PSMD14: variants seen among roughly 807,000 people sequenced by gnomAD.
PSMD14 encodes proteasome 26S subunit, non-ATPase 14.
A neutral mutation model predicts 41.2 loss-of-function variants in PSMD14; 7 were observed. The ratio of observed to expected loss-of-function variants is 0.17; its 90% CI spans 0.10 to 0.32. The LOEUF is 0.32. Among genes scored for constraint, PSMD14 ranks in the 10% least tolerant of loss-of-function variants. The pLI, the probability that PSMD14 is intolerant of heterozygous loss-of-function variation, is 1.00. For missense variants in PSMD14, 139 were observed against 375.6 expected (o/e 0.37, Z 5.21); for synonymous variants, 114 against 122.3 (o/e 0.93, Z 0.45).
At chr2:161,366,387 AACACACACACACACAC>A (rs36202166) in intron 3 of PSMD14, among the ~76,000 whole-genome samples, 12 of 148,504 alleles carry the variant, frequency 8.1e-5, no homozygotes, top group Middle Eastern at 3.4e-3. Context: ...AATAGAATTT[AACACACACACACACAC>A]ACACACACAC....
intron 3 of PSMD14, among the ~76,000 whole-genome samples, chr2:161,354,371 A>C (rs953481920): frequency 6.6e-6 from 1 of 152,106 alleles, no homozygotes; most frequent in South Asian, 2.1e-4. Flanking sequence ...TGAGCCCTCC[A>C]AGTGGCTGAG....
chr2:161,393,845 A>T (rs1011239714), intron 9 of PSMD14, among the ~76,000 whole-genome samples: 3 of 152,042 alleles, frequency 2.0e-5, no homozygotes, highest in African/African-American at 7.2e-5. Flanking sequence ...AAAACTTAGG[A>T]ACATCTAAGA....
At chr2:161,392,436 T>C (rs1683724843) in intron 9 of PSMD14, among the ~76,000 whole-genome samples, 1 of 152,120 alleles carries the variant, frequency 6.6e-6, no homozygotes, top group Non-Finnish European at 1.5e-5. Context: ...GCAGATGGAG[T>C]GAGTTGGGCT....
At chr2:161,321,620 G>A (rs967923185) in intron 3 of PSMD14, among the ~76,000 whole-genome samples, 1 of 152,102 alleles carries the variant, frequency 6.6e-6, no homozygotes, top group African/African-American at 2.4e-5. Context: ...TCCACACTTT[G>A]GACTGACACT....
intron 3 of PSMD14, among the ~76,000 whole-genome samples, chr2:161,322,808 T>C (rs553914715): frequency 6.6e-6 from 1 of 152,208 alleles, no homozygotes; most frequent in Non-Finnish European, 1.5e-5. Flanking sequence ...GTTGTTTTAT[T>C]TGGGAGTTGT....
At chr2:161,344,842 A>G (rs973909727) in intron 3 of PSMD14, among the ~76,000 whole-genome samples, 1 of 152,186 alleles carries the variant, frequency 6.6e-6, no homozygotes, top group Non-Finnish European at 1.5e-5. Flanking sequence ...TCTATGGCTT[A>G]TCTTTTCACT....
intron 3 of PSMD14, among the ~76,000 whole-genome samples, chr2:161,361,837 G>T (rs1358825297): frequency 6.6e-6 from 1 of 152,110 alleles, no homozygotes; most frequent in Non-Finnish European, 1.5e-5. Context: ...TTACTCGTAA[G>T]CAGCATACAC....
Position 161,318,778 on chromosome 2 carries a change from ATT to A in PSMD14, c.-4-40_-4-39del, listed in dbSNP as rs1327881677. 4.6e-6 allele frequency: 7 copies of A among 1,506,626 alleles called. No homozygotes were observed. In the African/African-American group the frequency reaches 6.9e-5, roughly 15 times the overall value. The allele number at this position is 1,506,626 out of a possible 1,614,324, so 93.3% of individuals were successfully genotyped here. A position where few individuals can be genotyped will look rare whatever the true frequency, so the allele number is the denominator to read the frequency against. ...TTATATAGATAGCAATTGAATAAAC[ATT>A]TTTGTGCTTAGGAACGTTTTTTCTT... On this transcript the variant is annotated intron_variant, in intron 2 of 11. Transcript: ENST00000409682.
intron 3 of PSMD14, among the ~76,000 whole-genome samples, chr2:161,340,266 A>G (rs573348991): frequency 1.6e-4 from 25 of 152,128 alleles, no homozygotes; most frequent in Non-Finnish European, 2.9e-4. Context: ...TCAATATGGC[A>G]TCTCACCCCC....
At chr2:161,372,052 T>C (rs2105258248) in intron 7 of PSMD14, among the ~76,000 whole-genome samples, 1 of 151,988 alleles carries the variant, frequency 6.6e-6, no homozygotes, top group East Asian at 1.9e-4. Flanking sequence ...AGCTCTATTA[T>C]CACCTTCACA....
At chr2:161,393,977 T>TTG (rs1238931051) in intron 9 of PSMD14, among the ~76,000 whole-genome samples, 7 of 140,232 alleles carry the variant, frequency 5.0e-5, no homozygotes. Context: ...GATAATTTTT[T>TTG]TTTTTTTTTT....
At chr2:161,402,338 A>C (rs904238727) in intron 10 of PSMD14, among the ~76,000 whole-genome samples, 2 of 152,216 alleles carry the variant, frequency 1.3e-5, no homozygotes, top group African/African-American at 4.8e-5. Flanking sequence ...ATAAAGGTCT[A>C]ATATCTAGAA....
At chr2:161,380,453 T>C (rs570890956) in intron 7 of PSMD14, among the ~76,000 whole-genome samples, 177 of 152,068 alleles carry the variant, frequency 1.2e-3, no homozygotes, top group Non-Finnish European at 1.9e-3. Flanking sequence ...CTTGTGGATT[T>C]ACTCTTTGAA....
In PSMD14 at chr2:161,314,036, C is replaced by T. The variant is rs568005112; in HGVS notation, c.-137-2401C>T. On this transcript the variant is annotated intron_variant, in intron 1 of 11. Transcript: ENST00000409682. ...GCAATATTTTTGAAAACATTGAGAG[C>T]TCATAATTTTGTTGAAGATAGGATG... is the stretch of plus-strand genomic sequence containing the variant. Among the ~76,000 whole-genome samples, 5 of 152,294 alleles carry T rather than the reference C, an allele frequency of 3.3e-5. No individual in the cohort carries two copies. The East Asian group carries it at 9.6e-4, about 29-fold the overall frequency.
At chr2:161,409,553 T>G (rs1465510260) in intron 11 of PSMD14, 1 of 152,242 alleles carries the variant, frequency 6.6e-6, no homozygotes, top group Admixed American at 6.5e-5. Flanking sequence ...AAGCTGTCTT[T>G]GCTTTCAGCC....
At chr2:161,400,673 C>T (rs918747249) in intron 10 of PSMD14, among the ~76,000 whole-genome samples, 6 of 152,210 alleles carry the variant, frequency 3.9e-5, no homozygotes, top group Admixed American at 3.9e-4. Flanking sequence ...CCTGCCTCAG[C>T]CCCCCAAGTA....
intron 3 of PSMD14, among the ~76,000 whole-genome samples, chr2:161,351,721 A>G (rs747855617): frequency 2.6e-5 from 4 of 152,206 alleles, no homozygotes; most frequent in Non-Finnish European, 4.4e-5. Flanking sequence ...CTGTATGTCT[A>G]CATGGGTCGT....
chr2:161,397,017 C>T (rs1003173326), intron 10 of PSMD14, among the ~76,000 whole-genome samples: 5 of 152,012 alleles, frequency 3.3e-5, no homozygotes, highest in Admixed American at 2.0e-4. Flanking sequence ...TTAGTAGAGA[C>T]GGGGTTTCAC....
At chr2:161,310,287 GTTGTTA>G (rs1227159882) in intron 1 of PSMD14, among the ~76,000 whole-genome samples, 5 of 152,202 alleles carry the variant, frequency 3.3e-5, no homozygotes, top group African/African-American at 7.2e-5. Context: ...TATTATTGCT[GTTGTTA>G]TTGTTATTAT....
Sources: allele counts gnomAD v4.1 joint callset (sites outside exome capture counted in the v4.1 genomes callset), GRCh38; gene constraint gnomAD v4.1.1; transcripts MANE v1.5; gene names NCBI Gene and HGNC (gene_info 2026-07-23, HGNC 2026-07-21).